Variants in DLG2 observed in about 807,000 individuals in gnomAD.
DLG2 encodes discs large MAGUK scaffold protein 2.
A neutral mutation model predicts 132.5 loss-of-function variants in DLG2; 45 were observed. The observed-to-expected ratio is 0.34, with a 90% CI of 0.27 to 0.44. The LOEUF (loss-of-function observed/expected upper bound fraction) is 0.44. DLG2 is among the 20% of genes least tolerant of loss of function. The probability of loss-of-function intolerance (pLI) is 1.00; values close to 1 mark genes in which losing one functional copy is unlikely to be tolerated. For synonymous variants in DLG2, 424 were observed against 419.6 expected, an observed-to-expected ratio of 1.01 and a Z score of -0.13; for missense variants, 1,045 against 1,196.9, an observed-to-expected ratio of 0.87 and a Z score of 1.87.
intron 21 of DLG2, among the ~76,000 whole-genome samples, chr11:83,490,218 C>T (rs888987718): frequency 1.4e-5 from 2 of 144,812 alleles, no homozygotes; most frequent in Admixed American, 6.8e-5. Context: ...ACACCAAACA[C>T]AAAACAAATA....
chr11:85,027,067 A>G (rs1184187696), intron 6 of DLG2, among the ~76,000 whole-genome samples: 3 of 151,814 alleles, frequency 2.0e-5, no homozygotes, highest in African/African-American at 7.2e-5. Flanking sequence ...TTATAAAATA[A>G]TAGGTGTCAG....
intron 6 of DLG2, among the ~76,000 whole-genome samples, chr11:84,834,009 C>G (rs1350553899): frequency 6.6e-6 from 1 of 151,580 alleles, no homozygotes; most frequent in Admixed American, 6.6e-5. Context: ...AGAGTAGGCA[C>G]AAGTTTAAGG....
chr11:83,975,589 T>C (rs1455615788), intron 12 of DLG2, among the ~76,000 whole-genome samples: 1 of 151,960 alleles, frequency 6.6e-6, no homozygotes, highest in East Asian at 1.9e-4. Context: ...ACTATACTAT[T>C]ACATGGAATT....
chr11:83,575,983 G>A (rs1299422450), intron 19 of DLG2, among the ~76,000 whole-genome samples: 1 of 151,950 alleles, frequency 6.6e-6, no homozygotes, highest in Non-Finnish European at 1.5e-5. Flanking sequence ...TGTTAGAAGT[G>A]GCAGAAAAGA....
chr11:84,979,500 C>T (rs1485696991), intron 6 of DLG2, among the ~76,000 whole-genome samples: 2 of 152,148 alleles, frequency 1.3e-5, no homozygotes, highest in Non-Finnish European at 2.9e-5. Flanking sequence ...AGTTCATGTT[C>T]TTTGTAGGGA....
chr11:84,847,070 G>A (rs1364438648), intron 6 of DLG2, among the ~76,000 whole-genome samples: 1 of 152,062 alleles, frequency 6.6e-6, no homozygotes, highest in African/African-American at 2.4e-5. Context: ...ACAGAAACAT[G>A]AGAGAGAATA....
At chr11:85,402,031 T>G (rs2088183835) in intron 3 of DLG2, among the ~76,000 whole-genome samples, 1 of 151,646 alleles carries the variant, frequency 6.6e-6, no homozygotes, top group African/African-American at 2.4e-5. Context: ...CCCACATAGC[T>G]AAGACAATCC....
chr11:84,526,348 A>G (rs1319939183), intron 7 of DLG2, among the ~76,000 whole-genome samples: 2 of 152,200 alleles, frequency 1.3e-5, no homozygotes, highest in African/African-American at 2.4e-5. Context: ...TTCATTTTAG[A>G]TTCCAATAAG....
At chr11:85,469,827 T>A (rs935958658) in intron 3 of DLG2, 4 of 152,218 alleles carry the variant, frequency 2.6e-5, no homozygotes, top group African/African-American at 7.2e-5. Context: ...TTGAATATGA[T>A]GATCCTACCA....
rs535675244 is a variant in DLG2, at chr11:85,282,429, T to C, written c.186+2791A>G. The stretch of plus-strand genomic sequence containing the variant: ...CATCCCAATTACCCTGATTTAACCA[T>C]CACACATTATATGTTTGTATCAAAA... On this transcript the variant is annotated intron_variant, in intron 4 of 27. Transcript: ENST00000376104. 2.0e-5 allele frequency among the ~76,000 whole-genome samples: 3 copies of C among 152,082 alleles called. No homozygotes were observed. The South Asian group carries it at 6.2e-4, about 32-fold the overall frequency.
chr11:85,335,622 A>G (rs2082075365), intron 3 of DLG2, among the ~76,000 whole-genome samples: 1 of 152,174 alleles, frequency 6.6e-6, no homozygotes, highest in Non-Finnish European at 1.5e-5. Context: ...GAATACACTT[A>G]GCATTTGCTT....
At chr11:83,694,368 G>T (rs2081509098) in intron 18 of DLG2, among the ~76,000 whole-genome samples, 1 of 152,096 alleles carries the variant, frequency 6.6e-6, no homozygotes, top group Non-Finnish European at 1.5e-5. Context: ...TAAGAAAAGG[G>T]AAGAACAAAG....
intron 7 of DLG2, among the ~76,000 whole-genome samples, chr11:84,430,066 C>G (rs1217219994): frequency 6.6e-6 from 1 of 152,080 alleles, no homozygotes; most frequent in African/African-American, 2.4e-5. Flanking sequence ...TTCAGTAAAC[C>G]TGTTCCTGAA....
rs141046971 is a variant in DLG2 at position 84,912,280 on chromosome 11, C to T, written c.357+199381G>A. Among the ~76,000 whole-genome samples, 793 of 152,282 alleles carry T rather than the reference C, an allele frequency of 5.2e-3. 5 individuals are homozygous for T. Among genetic ancestry groups the T allele is most frequent in the African/African-American group, 0.017 (727 of 41,564 alleles). ...ACGCCATTCTCCTGCCTCAGCCTCC[C>T]GAGTAGGTGAGCCTACAGGCACCCG... is the stretch of plus-strand genomic sequence containing the variant. On this transcript the variant is annotated intron_variant, in intron 6 of 27. Transcript: ENST00000376104.
intron 6 of DLG2, among the ~76,000 whole-genome samples, chr11:84,727,586 T>G (rs1596632490): frequency 6.6e-6 from 1 of 152,216 alleles, no homozygotes; most frequent in East Asian, 1.9e-4. Context: ...AGGCTCTTTT[T>G]TGGTTCCATA....
At chr11:85,411,239 T>A (rs1020941895) in intron 3 of DLG2, among the ~76,000 whole-genome samples, 3 of 149,594 alleles carry the variant, frequency 2.0e-5, no homozygotes, top group Admixed American at 6.7e-5. Flanking sequence ...CTGCAAAAAA[T>A]TAAAAGTAAA....
intron 6 of DLG2, chr11:84,720,293 T>A: frequency 4.1e-6 from 4 of 985,506 alleles, no homozygotes; most frequent in Non-Finnish European, 4.8e-6. Flanking sequence ...AACCTCTTCC[T>A]ACCTTGCATC....
chr11:84,280,782 C>T (rs888292790), intron 7 of DLG2, among the ~76,000 whole-genome samples: 8 of 151,720 alleles, frequency 5.3e-5, no homozygotes, highest in African/African-American at 1.9e-4. Context: ...ACTGCAAGCT[C>T]CGCCTCCCTG....
At chr11:83,643,277 T>C (rs1277144103) in intron 18 of DLG2, among the ~76,000 whole-genome samples, 1 of 152,294 alleles carries the variant, frequency 6.6e-6, no homozygotes, top group South Asian at 2.1e-4. Context: ...ACAAAGGGCA[T>C]CATGCATGAG....
Sources: allele counts gnomAD v4.1 joint callset (sites outside exome capture counted in the v4.1 genomes callset), GRCh38; gene constraint gnomAD v4.1.1; transcripts MANE v1.5; gene names NCBI Gene and HGNC (gene_info 2026-07-23, HGNC 2026-07-21).